NCKAP5: variants seen among roughly 807,000 people sequenced by gnomAD.
The protein encoded by NCKAP5 is NCK associated protein 5, also known as nck-associated protein 5.
A neutral mutation model predicts 167.0 loss-of-function variants in NCKAP5; 92 were observed. The ratio of observed to expected loss-of-function variants is 0.55; its 90% CI spans 0.47 to 0.66. NCKAP5 has a LOEUF of 0.66. NCKAP5 is among the 30% of genes least tolerant of loss of function. The pLI is 0.00. For missense variants in NCKAP5, 2,378 were observed against 2,315.0 expected (o/e 1.03, Z -0.56); for synonymous variants, 891 against 877.4 (o/e 1.02, Z -0.27).
At chr2:132,818,868 CT>C (rs1558818106) in intron 11 of NCKAP5, among the ~76,000 whole-genome samples, 2 of 152,162 alleles carry the variant, frequency 1.3e-5, no homozygotes, top group African/African-American at 2.4e-5. Context: ...TTGAAAATAT[CT>C]CTAAATATTG....
intron 16 of NCKAP5, among the ~76,000 whole-genome samples, chr2:132,749,060 T>A (rs1437242889): frequency 6.6e-6 from 1 of 152,156 alleles, no homozygotes; most frequent in African/African-American, 2.4e-5. Flanking sequence ...TGAGCCATCA[T>A]GCCCAGCCGA....
At chr2:132,692,635 A>G (rs1244184463) in intron 19 of NCKAP5, among the ~76,000 whole-genome samples, 1 of 152,150 alleles carries the variant, frequency 6.6e-6, no homozygotes, top group African/African-American at 2.4e-5. Context: ...TGATGAACCT[A>G]TGTCACACTG....
chr2:133,550,151 T>C (rs1367817331), intron 2 of NCKAP5, among the ~76,000 whole-genome samples: 15 of 144,284 alleles, frequency 1.0e-4, no homozygotes, highest in East Asian at 2.1e-4. Context: ...GATTCACAGC[T>C]GAATTCTACC....
At chr2:132,721,844 C>G (rs1044688778) in intron 19 of NCKAP5, among the ~76,000 whole-genome samples, 3 of 152,192 alleles carry the variant, frequency 2.0e-5, no homozygotes, top group African/African-American at 7.2e-5. Context: ...AAAGGCAGGT[C>G]GCAGACACCT....
chr2:133,613,995 G>C, the NCKAP5 span, among the ~76,000 whole-genome samples: 2 of 152,154 alleles, frequency 1.3e-5, no homozygotes, highest in African/African-American at 4.8e-5. Context: ...GCAGATAGCA[G>C]GCAGGACTAG....
At chr2:133,111,097 G>T (rs2081894523) in intron 6 of NCKAP5, among the ~76,000 whole-genome samples, 1 of 152,060 alleles carries the variant, frequency 6.6e-6, no homozygotes. Context: ...TCCAAATACA[G>T]TCACATCAGG....
At chr2:133,425,538 G>A (rs1689738709) in intron 3 of NCKAP5, among the ~76,000 whole-genome samples, 2 of 152,086 alleles carry the variant, frequency 1.3e-5, no homozygotes, top group South Asian at 4.1e-4. Flanking sequence ...GAAAAAGAGG[G>A]CAGAGCAAAA....
the NCKAP5 span, among the ~76,000 whole-genome samples, chr2:133,584,988 AGGAAGGAG>A: frequency 6.8e-6 from 1 of 146,818 alleles, no homozygotes; most frequent in African/African-American, 2.6e-5. Flanking sequence ...GAAGGAAGGA[AGGAAGGAG>A]GGAAAGAAAG....
At chr2:132,729,988 G>C (rs1367259835) in intron 17 of NCKAP5, among the ~76,000 whole-genome samples, 1 of 152,092 alleles carries the variant, frequency 6.6e-6, no homozygotes, top group Non-Finnish European at 1.5e-5. Context: ...TTTTCTTTTT[G>C]TTCCAGCTAG....
chr2:133,528,904 C>G (rs958058196), intron 2 of NCKAP5, among the ~76,000 whole-genome samples: 6 of 152,138 alleles, frequency 3.9e-5, no homozygotes, highest in Non-Finnish European at 8.8e-5. Context: ...TTCGGAAGAG[C>G]CCCTTTCACA....
At chr2:133,300,383 A>AAT (rs1372285524) in intron 4 of NCKAP5, among the ~76,000 whole-genome samples, 1 of 127,462 alleles carries the variant, frequency 7.8e-6, no homozygotes, top group African/African-American at 3.5e-5. Flanking sequence ...TCCTCAATAA[A>AAT]ATACTGGCAA....
intron 3 of NCKAP5, among the ~76,000 whole-genome samples, chr2:133,361,843 C>G (rs1685124885): frequency 6.6e-6 from 1 of 152,134 alleles, no homozygotes; most frequent in Admixed American, 6.5e-5. Flanking sequence ...ATAGCACCAT[C>G]TGTTATATTA....
chr2:133,160,433 C>CTTTT (rs869057265), intron 5 of NCKAP5, among the ~76,000 whole-genome samples: 3 of 100,828 alleles, frequency 3.0e-5, no homozygotes, highest in African/African-American at 1.4e-4. Flanking sequence ...CTTTTCCTTT[C>CTTTT]TTTTTCTTTT....
intron 6 of NCKAP5, among the ~76,000 whole-genome samples, chr2:133,062,892 G>GA (rs924767522): frequency 1.3e-5 from 2 of 151,896 alleles, no homozygotes; most frequent in East Asian, 1.9e-4. Flanking sequence ...GATTTCATGG[G>GA]AAAAAAATAA....
chr2:133,544,968 C>G (rs1021270957), intron 2 of NCKAP5, among the ~76,000 whole-genome samples: 1 of 152,118 alleles, frequency 6.6e-6, no homozygotes, highest in African/African-American at 2.4e-5. Flanking sequence ...ACTCCCATGA[C>G]CCCATATTAT....
intron 3 of NCKAP5, among the ~76,000 whole-genome samples, chr2:133,311,047 AAT>A (rs1681198053): frequency 6.6e-6 from 1 of 152,138 alleles, no homozygotes; most frequent in African/African-American, 2.4e-5. Context: ...GGTGTCCTAA[AAT>A]TTAACTCAAT....
chr2:132,709,147 A>C (rs2709540), intron 19 of NCKAP5, among the ~76,000 whole-genome samples: 88,138 of 146,726 alleles, frequency 0.6, 26,139 homozygotes, highest in East Asian at 0.85. Context: ...TAATATCTAC[A>C]CCCCCCCACC....
the NCKAP5 span, among the ~76,000 whole-genome samples, chr2:133,597,541 T>G: frequency 6.6e-6 from 1 of 151,758 alleles, no homozygotes. Context: ...TGGAGGCACG[T>G]GCCTGTAGTC....
At chr2:132,933,136 AG>A (rs977415416) in intron 8 of NCKAP5, among the ~76,000 whole-genome samples, 12 of 152,084 alleles carry the variant, frequency 7.9e-5, no homozygotes, top group African/African-American at 2.9e-4. Context: ...CGTGTTAGCC[AG>A]GATGGTCTCG....
Sources: allele counts gnomAD v4.1 joint callset (sites outside exome capture counted in the v4.1 genomes callset), GRCh38; gene constraint gnomAD v4.1.1; transcripts MANE v1.5; gene names NCBI Gene and HGNC (gene_info 2026-07-23, HGNC 2026-07-21).